Variants in SOX5 observed in about 807,000 individuals in gnomAD.
SOX5 encodes transcription factor SOX-5.
SOX5 carries 9 observed loss-of-function variants against 92.0 expected under a neutral mutation model. That is an observed-to-expected ratio of 0.10 (90% CI 0.06 to 0.17). The LOEUF (loss-of-function observed/expected upper bound fraction) is 0.17, where lower values mean the gene tolerates loss of function less well. Ranked by LOEUF, SOX5 falls within the 10% of genes least tolerant of loss-of-function variation. The pLI, the probability that SOX5 is intolerant of heterozygous loss-of-function variation, is 1.00. For synonymous variants in SOX5, 344 were observed against 336.3 expected, an observed-to-expected ratio of 1.02 and a Z score of -0.25; for missense variants, 642 against 944.5, an observed-to-expected ratio of 0.68 and a Z score of 4.20.
At chr12:24,105,292 G>C (rs1262095819) in intron 4 of SOX5, among the ~76,000 whole-genome samples, 1 of 152,026 alleles carries the variant, frequency 6.6e-6, no homozygotes, top group South Asian at 2.1e-4. Flanking sequence ...TGTAATCCCA[G>C]CATTTTGGGA....
intron 1 of SOX5, among the ~76,000 whole-genome samples, chr12:24,412,922 A>T (rs893243254): frequency 2.0e-5 from 3 of 151,732 alleles, no homozygotes; most frequent in African/African-American, 7.3e-5. Flanking sequence ...CGCCCGGCTA[A>T]TTTTTTGTAT....
chr12:24,468,043 G>A (rs1380114724), intron 1 of SOX5, among the ~76,000 whole-genome samples: 3 of 152,204 alleles, frequency 2.0e-5, no homozygotes, highest in Non-Finnish European at 4.4e-5. Context: ...AAAGACACTG[G>A]AGTAACTGAG....
At chr12:24,465,041 A>G (rs771826218) in intron 1 of SOX5, among the ~76,000 whole-genome samples, 1 of 152,224 alleles carries the variant, frequency 6.6e-6, no homozygotes, top group Non-Finnish European at 1.5e-5. Context: ...AGAGATGATG[A>G]CAATGATGTT....
chr12:23,830,773 A>G (rs983320355), intron 3 of SOX5, among the ~76,000 whole-genome samples: 2 of 152,136 alleles, frequency 1.3e-5, no homozygotes, highest in African/African-American at 4.8e-5. Context: ...AAAAGTTGGT[A>G]AGATTAAGGG....
intron 13 of SOX5, 62 bp downstream of exon 13, chr12:23,543,149 C>G: frequency 2.1e-6 from 3 of 1,396,360 alleles, no homozygotes; most frequent in South Asian, 2.8e-5. Flanking sequence ...CCTTCCACAA[C>G]TGCAGAAAAC....
chr12:23,779,814 T>TATATATATACACACACAC (rs777013504), intron 3 of SOX5, among the ~76,000 whole-genome samples: 43 of 110,782 alleles, frequency 3.9e-4, no homozygotes, highest in Middle Eastern at 9.8e-3. Context: ...TATATATATA[T>TATATATATACACACACAC]ACACACACAC....
At chr12:23,763,617 A>G (rs1209282651) in intron 3 of SOX5, among the ~76,000 whole-genome samples, 1 of 152,118 alleles carries the variant, frequency 6.6e-6, no homozygotes, top group African/African-American at 2.4e-5. Flanking sequence ...ACGCCCGTAA[A>G]CAGCACAAAT....
At chr12:24,501,408 T>A (rs982229597) in intron 1 of SOX5, among the ~76,000 whole-genome samples, 8 of 152,008 alleles carry the variant, frequency 5.3e-5, no homozygotes, top group Non-Finnish European at 1.2e-4. Context: ...ACAAGCTCTA[T>A]CTTCCCATAC....
At chr12:24,215,809 A>G (rs533818248) in intron 3 of SOX5, among the ~76,000 whole-genome samples, 3 of 152,028 alleles carry the variant, frequency 2.0e-5, no homozygotes, top group Non-Finnish European at 4.4e-5. Context: ...TGAAAAAAAA[A>G]AAAGAAAGAA....
intron 3 of SOX5, among the ~76,000 whole-genome samples, chr12:23,789,152 G>C (rs1171336320): frequency 3.3e-5 from 5 of 151,414 alleles, no homozygotes; most frequent in African/African-American, 9.7e-5. Flanking sequence ...AAGAAAGAAA[G>C]AAAACTGAAC....
At chr12:23,752,224 G>A (rs1259340680) in intron 4 of SOX5, among the ~76,000 whole-genome samples, 1 of 151,540 alleles carries the variant, frequency 6.6e-6, no homozygotes, top group Non-Finnish European at 1.5e-5. Flanking sequence ...CGTGACCAGG[G>A]TCAGAAGAAT....
intron 7 of SOX5, among the ~76,000 whole-genome samples, chr12:23,657,765 TTGGC>T (rs2082497643): frequency 6.6e-6 from 1 of 152,208 alleles, no homozygotes; most frequent in African/African-American, 2.4e-5. Context: ...TTGAAGTCTT[TTGGC>T]TGACAGCACA....
chr12:23,759,936 T>G (rs2094517990), intron 3 of SOX5, among the ~76,000 whole-genome samples: 1 of 152,076 alleles, frequency 6.6e-6, no homozygotes, highest in Non-Finnish European at 1.5e-5. Context: ...GAGTTTCCTT[T>G]AATTTTTTTT....
chr12:23,600,089 C>CATT (rs1953193366), intron 9 of SOX5, among the ~76,000 whole-genome samples: 1 of 152,124 alleles, frequency 6.6e-6, no homozygotes, highest in African/African-American at 2.4e-5. Flanking sequence ...CTCAAAGCAA[C>CATT]ATTATTGTAT....
intron 2 of SOX5, among the ~76,000 whole-genome samples, chr12:24,297,064 G>A (rs1947350867): frequency 6.6e-6 from 1 of 152,128 alleles, no homozygotes; most frequent in African/African-American, 2.4e-5. Flanking sequence ...TCAGAGACAT[G>A]ACGGTAGTTA....
At chr12:23,614,399 G>A (rs191208242) in intron 8 of SOX5, among the ~76,000 whole-genome samples, 10 of 152,228 alleles carry the variant, frequency 6.6e-5, no homozygotes, top group Admixed American at 5.9e-4. Flanking sequence ...CCCACTACTG[G>A]GGCAATGCTG....
At chr12:23,552,975 A>T (rs1944488692) in intron 11 of SOX5, among the ~76,000 whole-genome samples, 1 of 152,120 alleles carries the variant, frequency 6.6e-6, no homozygotes, top group East Asian at 1.9e-4. Context: ...AAACCTGGAG[A>T]TGTGCAAGAT....
chr12:23,875,295 T>C (rs1476319616), intron 2 of SOX5, among the ~76,000 whole-genome samples: 1 of 152,152 alleles, frequency 6.6e-6, no homozygotes, highest in Non-Finnish European at 1.5e-5. Context: ...CTAAAAAAAT[T>C]CAAAGATTAA....
chr12:23,614,161 T>A (rs2076283131), intron 8 of SOX5, among the ~76,000 whole-genome samples: 2 of 152,158 alleles, frequency 1.3e-5, no homozygotes, highest in Non-Finnish European at 2.9e-5. Flanking sequence ...TCCTGCTACA[T>A]ATGTCCTCAA....
Sources: allele counts gnomAD v4.1 joint callset (sites outside exome capture counted in the v4.1 genomes callset), GRCh38; gene constraint gnomAD v4.1.1; transcripts MANE v1.5; gene names NCBI Gene and HGNC (gene_info 2026-07-23, HGNC 2026-07-21).